Variants in PALD1 observed in about 807,000 individuals in gnomAD.
PALD1 encodes paladin.
In PALD1, 57 loss-of-function variants were observed where a neutral mutation model predicts 96.0. The observed-to-expected ratio is 0.59, with a 90% CI of 0.48 to 0.74. The LOEUF is 0.74. PALD1 is among the 30% of genes least tolerant of loss of function. The probability of loss-of-function intolerance (pLI) is 0.00; values close to 1 mark genes in which losing one functional copy is unlikely to be tolerated. For synonymous variants in PALD1, 464 were observed against 473.6 expected (o/e 0.98, Z 0.26); for missense variants, 1,063 against 1,143.7 (o/e 0.93, Z 1.02).
intron 17 of PALD1, among the ~76,000 whole-genome samples, chr10:70,543,861 T>C (rs1053824524): frequency 6.6e-6 from 1 of 152,122 alleles, no homozygotes; most frequent in Non-Finnish European, 1.5e-5. Flanking sequence ...GCTCCCAGTT[T>C]ATAGATGAGA....
Position 70,555,008 on chromosome 10 carries a change from G to A in PALD1, c.2262+7562G>A, listed in dbSNP as rs148600568. Among the ~76,000 whole-genome samples the A allele has an allele frequency of 3.1e-3, 107 of 34,186 alleles. 1 individual carries two copies. The highest frequency in any genetic ancestry group is 0.014 in the African/African-American group (93 of 6,820). The allele number at this position is 34,186 out of a possible 152,430, so 22.4% of individuals were successfully genotyped here. ...TTTCTTTGAGACAGAGCCTTGCTCC[G>A]TAGCCCAGGCTGGAGTGCAGTGGCA... is the stretch of plus-strand genomic sequence containing the variant. On this transcript the variant is annotated intron_variant, in intron 18 of 19. Coordinates refer to ENST00000263563, the MANE Select transcript of PALD1 (RefSeq NM_014431.3).
rs761640689 is a variant in PALD1 at position 70,534,543 on chromosome 10, A to G, written c.1122+19A>G. The G allele has an allele frequency of 1.3e-6, 2 of 1,573,248 alleles. No individual in the cohort carries two copies. The highest frequency in any genetic ancestry group is 2.7e-5 in the African/African-American group (2 of 74,148). On this transcript the variant is annotated intron_variant, in intron 9 of 19. Transcript: ENST00000263563. The stretch of plus-strand genomic sequence containing the variant: ...GGAAGAGGTGAGTGAGGGACAGCAA[A>G]GGGCTGGGGCAGGGGTGGTGGAGGG...
intron 1 of PALD1, 64 bp from the exon 2 acceptor site, chr10:70,525,859 G>A (rs1846848359): frequency 1.5e-6 from 2 of 1,302,812 alleles, no homozygotes; most frequent in Admixed American, 1.7e-5. Context: ...GCGAGAGGTG[G>A]GTCAGGTCTC....
intron 18 of PALD1, among the ~76,000 whole-genome samples, chr10:70,558,876 T>C (rs1847672780): frequency 6.6e-6 from 1 of 152,022 alleles, no homozygotes; most frequent in Non-Finnish European, 1.5e-5. Context: ...CTGGGGATTT[T>C]TTAGGACAGT....
chr10:70,461,609 T>C, the PALD1 span, among the ~76,000 whole-genome samples: 4 of 152,138 alleles, frequency 2.6e-5, no homozygotes, highest in East Asian at 1.9e-4. Context: ...CCTCTGTAGA[T>C]GGGTACCCAT....
chr10:70,561,977 C>T (rs531504330), intron 18 of PALD1, among the ~76,000 whole-genome samples: 29 of 152,210 alleles, frequency 1.9e-4, no homozygotes, highest in Non-Finnish European at 3.8e-4. Flanking sequence ...GTGAGTAGTT[C>T]ATCTTTGCAT....
chr10:70,487,084 A>G (rs955085151), intron 1 of PALD1, among the ~76,000 whole-genome samples: 4 of 150,152 alleles, frequency 2.7e-5, no homozygotes, highest in Admixed American at 2.6e-4. Context: ...CTAAGGCATC[A>G]GGTAAATAAG....
intron 18 of PALD1, among the ~76,000 whole-genome samples, chr10:70,551,199 C>A (rs1342274686): frequency 6.6e-6 from 1 of 152,208 alleles, no homozygotes; most frequent in Non-Finnish European, 1.5e-5. Flanking sequence ...AAGGCAGCGG[C>A]CCCTACCACC....
chr10:70,539,017 C>T lies in PALD1; in HGVS notation c.1569+9C>T. 6.2e-7 allele frequency: 1 copy of T among 1,613,582 alleles called. No homozygotes were observed. Among genetic ancestry groups the T allele is most frequent in the South Asian group, 1.1e-5 (1 of 91,060 alleles). ...CCCAGCCCAGCGCCAAGGTGACCGG[C>T]CCTCAGGGCCTGGGTCCCCCAGTGG... On this transcript the variant is annotated intron_variant, in intron 13 of 19. Coordinates refer to ENST00000263563, the MANE Select transcript of PALD1 (RefSeq NM_014431.3). This position sits in a 1 kb window ranked among gnomAD's most constrained non-coding sequence, Gnocchi z 4.5.
chr10:70,561,611 C>T (rs373646070), intron 18 of PALD1, among the ~76,000 whole-genome samples: 50 of 152,294 alleles, frequency 3.3e-4, no homozygotes, highest in African/African-American at 1.0e-3. Flanking sequence ...ACTTCTGTGG[C>T]AGCCATGGGC....
At chr10:70,484,430 C>G (rs1320143331) in intron 1 of PALD1, among the ~76,000 whole-genome samples, 3 of 152,138 alleles carry the variant, frequency 2.0e-5, no homozygotes, top group Non-Finnish European at 2.9e-5. Flanking sequence ...GTGTTTACAT[C>G]AAAGAATACA....
chr10:70,490,222 CCT>C (rs370799282), intron 1 of PALD1, among the ~76,000 whole-genome samples: 30 of 149,732 alleles, frequency 2.0e-4, no homozygotes, highest in East Asian at 3.9e-4. Context: ...CACGCCTGGC[CCT>C]CTCTCTCTCT....
chr10:70,498,128 T>C (rs1373761937), intron 1 of PALD1, among the ~76,000 whole-genome samples: 3 of 152,192 alleles, frequency 2.0e-5, no homozygotes, highest in Non-Finnish European at 4.4e-5. Context: ...ACTTCCTGTC[T>C]CTGAATTTGA....
At chr10:70,500,910 G>A (rs1241749012) in intron 1 of PALD1, among the ~76,000 whole-genome samples, 1 of 152,048 alleles carries the variant, frequency 6.6e-6, no homozygotes, top group African/African-American at 2.4e-5. Context: ...GGGGTCTGCC[G>A]TGTGCCTGGC....
intron 1 of PALD1, among the ~76,000 whole-genome samples, chr10:70,488,126 CT>C (rs940262232): frequency 6.4e-4 from 17 of 26,416 alleles, no homozygotes; most frequent in Admixed American, 5.5e-3. Context: ...AAATTTCTCT[CT>C]CTTTTTTTTT....
At chr10:70,473,381 C>A in the PALD1 span, among the ~76,000 whole-genome samples, 2 of 152,218 alleles carry the variant, frequency 1.3e-5, no homozygotes, top group Non-Finnish European at 2.9e-5. Context: ...ACTTAAAGAG[C>A]ATTTCCACAT....
intron 12 of PALD1, 111 bp downstream of exon 12, chr10:70,538,519 GA>G: frequency 8.7e-7 from 1 of 1,143,002 alleles, no homozygotes; most frequent in Non-Finnish European, 1.2e-6. Context: ...AGGAGGTGAA[GA>G]AGAGAGGCTG....
intron 1 of PALD1, among the ~76,000 whole-genome samples, chr10:70,502,424 C>T (rs573879151): frequency 1.1e-4 from 16 of 149,350 alleles, no homozygotes; most frequent in African/African-American, 3.9e-4. Context: ...ATCAACAGAA[C>T]TGTACTGGAT....
chr10:70,536,057 A>G (rs527328790), intron 10 of PALD1, among the ~76,000 whole-genome samples: 4 of 152,266 alleles, frequency 2.6e-5, no homozygotes, highest in South Asian at 4.1e-4. Context: ...ATCACTTGAA[A>G]TCAGGAGTTT....
Sources: gnomAD v4.1 joint callset for allele counts (sites outside exome capture counted in the v4.1 genomes callset) on GRCh38, gnomAD v4.1.1 for gene constraint, Gnocchi (gnomAD v3.1) non-coding constraint, MANE v1.5 for transcripts, NCBI Gene and HGNC (gene_info 2026-07-23, HGNC 2026-07-21) for gene names.